Variants in DSCAM observed in about 807,000 individuals in gnomAD.
The protein encoded by DSCAM is DS cell adhesion molecule.
In DSCAM, 47 loss-of-function variants were observed where a neutral mutation model predicts 217.7. That is an observed-to-expected ratio of 0.22 (90% CI 0.17 to 0.28). The LOEUF (loss-of-function observed/expected upper bound fraction) is 0.28. Among genes scored for constraint, DSCAM ranks in the 10% least tolerant of loss-of-function variants. The probability of loss-of-function intolerance (pLI) is 1.00; values close to 1 mark genes in which losing one functional copy is unlikely to be tolerated. For synonymous variants in DSCAM, 1,056 were observed against 1,015.3 expected (o/e 1.04, Z -0.76); for missense variants, 2,080 against 2,618.3 (o/e 0.79, Z 4.49).
chr21:40,194,742 G>C (rs1012118105), intron 11 of DSCAM, among the ~76,000 whole-genome samples: 2 of 152,208 alleles, frequency 1.3e-5, no homozygotes, highest in African/African-American at 4.8e-5. Flanking sequence ...TAAAGATGCA[G>C]TGGTGTAGTG....
At position 40,686,300 on chromosome 21, in the gene DSCAM, A is replaced by G. The variant is rs553554773; in HGVS notation, c.508+6510T>C. 3.3e-5 allele frequency among the ~76,000 whole-genome samples: 5 copies of G among 150,072 alleles called. No homozygotes were observed. In the South Asian group the frequency reaches 1.1e-3, roughly 32 times the overall value. ...CACACATACAGAGCTCACACACCATACACGGCACACACACACACCACATAT... is the reference window on the plus strand; with the variant it reads ...CACACATACAGAGCTCACACACCATGCACGGCACACACACACACCACATAT... On this transcript the variant is annotated intron_variant, in intron 3 of 32. Coordinates refer to ENST00000400454, the MANE Select transcript of DSCAM (RefSeq NM_001389.5).
chr21:40,380,601 T>C (rs916872216), intron 3 of DSCAM, among the ~76,000 whole-genome samples: 6 of 152,178 alleles, frequency 3.9e-5, no homozygotes, highest in South Asian at 2.1e-4. Context: ...GTGGGGTGTG[T>C]ATGTAAGGAT....
chr21:40,076,208 CTT>C (rs2089363730), intron 26 of DSCAM, among the ~76,000 whole-genome samples: 1 of 152,104 alleles, frequency 6.6e-6, no homozygotes, highest in African/African-American at 2.4e-5. Context: ...GTTCTCCCAA[CTT>C]TAAAGTGTTT....
At chr21:40,210,495 G>A (rs1402484198) in intron 11 of DSCAM, among the ~76,000 whole-genome samples, 1 of 152,172 alleles carries the variant, frequency 6.6e-6, no homozygotes, top group Non-Finnish European at 1.5e-5. Context: ...ACCCACATGG[G>A]AACATTCCCA....
intron 21 of DSCAM, among the ~76,000 whole-genome samples, chr21:40,093,407 G>A (rs1487470159): frequency 1.3e-5 from 2 of 152,138 alleles, no homozygotes; most frequent in Admixed American, 1.3e-4. Context: ...GCTGAAAGTA[G>A]AACATCCTTG....
intron 11 of DSCAM, among the ~76,000 whole-genome samples, chr21:40,249,233 C>G (rs931262222): frequency 6.6e-6 from 1 of 152,180 alleles, no homozygotes; most frequent in Non-Finnish European, 1.5e-5. Flanking sequence ...CCACCCAAAT[C>G]TCATCTTGAA....
chr21:40,464,286 A>C (rs2075827431), intron 3 of DSCAM, among the ~76,000 whole-genome samples: 1 of 152,226 alleles, frequency 6.6e-6, no homozygotes, highest in South Asian at 2.1e-4. Flanking sequence ...TCAATGCAGG[A>C]GCAGGGAGCA....
At chr21:40,261,540 T>G (rs1055081016) in intron 11 of DSCAM, among the ~76,000 whole-genome samples, 1 of 152,072 alleles carries the variant, frequency 6.6e-6, no homozygotes, top group African/African-American at 2.4e-5. Context: ...TCCTTGGGTC[T>G]AGAGCTTGAT....
chr21:40,378,591 T>A (rs2074988689), intron 3 of DSCAM, among the ~76,000 whole-genome samples: 2 of 40,548 alleles, frequency 4.9e-5, no homozygotes, highest in Admixed American at 3.8e-4. Context: ...TTTTTTTTTT[T>A]TTTTTTTTTT....
chr21:40,032,952 C>T (rs2088555926), intron 32 of DSCAM, among the ~76,000 whole-genome samples: 1 of 152,162 alleles, frequency 6.6e-6, no homozygotes, highest in Non-Finnish European at 1.5e-5. Context: ...TTACAGCCTC[C>T]AACTAACAAA....
intron 19 of DSCAM, among the ~76,000 whole-genome samples, chr21:40,132,535 C>A (rs536845666): frequency 6.6e-6 from 1 of 152,304 alleles, no homozygotes; most frequent in Non-Finnish European, 1.5e-5. Flanking sequence ...CCTGCACATT[C>A]CCTGGAAGGA....
At chr21:40,827,468 CAAAAAAA>C (rs55906607) in intron 1 of DSCAM, among the ~76,000 whole-genome samples, 1 of 57,152 alleles carries the variant, frequency 1.7e-5, no homozygotes, top group Non-Finnish European at 3.6e-5. Context: ...GTCCATGTCT[CAAAAAAA>C]AAAAAAAAAA....
At chr21:40,765,799 G>T (rs540945604) in intron 1 of DSCAM, among the ~76,000 whole-genome samples, 1 of 152,178 alleles carries the variant, frequency 6.6e-6, no homozygotes, top group African/African-American at 2.4e-5. Flanking sequence ...CATGATCAGC[G>T]ATCAGTGCCT....
At chr21:40,544,147 T>C (rs78072558) in intron 3 of DSCAM, among the ~76,000 whole-genome samples, 1 of 152,108 alleles carries the variant, frequency 6.6e-6, no homozygotes, top group Admixed American at 6.5e-5. Context: ...AGCTTCATAA[T>C]ACAGGCAGGT....
At chr21:40,798,639 G>C (rs2091712454) in intron 1 of DSCAM, among the ~76,000 whole-genome samples, 1 of 152,052 alleles carries the variant, frequency 6.6e-6, no homozygotes, top group South Asian at 2.1e-4. Flanking sequence ...GTCATTATAA[G>C]TGTAATATGG....
chr21:40,777,362 G>A (rs2091497502), intron 1 of DSCAM, among the ~76,000 whole-genome samples: 2 of 152,188 alleles, frequency 1.3e-5, no homozygotes, highest in Non-Finnish European at 2.9e-5. Flanking sequence ...ACATCATAAA[G>A]CAACAAAGAC....
intron 3 of DSCAM, among the ~76,000 whole-genome samples, chr21:40,622,871 C>CA (rs35404997): frequency 0.62 from 87,283 of 141,718 alleles, 25,995 homozygotes; most frequent in Non-Finnish European, 0.64. Context: ...GTACATGATA[C>CA]AAAAAAAAAA....
intron 11 of DSCAM, among the ~76,000 whole-genome samples, chr21:40,211,032 C>A (rs1907937097): frequency 6.6e-6 from 1 of 152,242 alleles, no homozygotes; most frequent in African/African-American, 2.4e-5. Context: ...CTGGCCCCAT[C>A]CTACCCATTG....
chr21:40,698,915 C>T (rs12482822), intron 2 of DSCAM, among the ~76,000 whole-genome samples: 12,348 of 145,302 alleles, frequency 0.085, 695 homozygotes, highest in Admixed American at 0.16. Flanking sequence ...TGCTGTTCTT[C>T]GTGTCTCTGA....
Sources: gnomAD v4.1 joint callset for allele counts (sites outside exome capture counted in the v4.1 genomes callset) on GRCh38, gnomAD v4.1.1 for gene constraint, MANE v1.5 for transcripts, NCBI Gene and HGNC (gene_info 2026-07-23, HGNC 2026-07-21) for gene names.